PARD3: variants seen among roughly 807,000 people sequenced by gnomAD.
The protein encoded by PARD3 is par-3 family cell polarity regulator.
A neutral mutation model predicts 155.4 loss-of-function variants in PARD3; 75 were observed. That is an observed-to-expected ratio of 0.48 (90% CI 0.40 to 0.58). PARD3 has a LOEUF of 0.58. PARD3 is among the 20% of genes least tolerant of loss of function. The pLI, the probability that PARD3 is intolerant of heterozygous loss-of-function variation, is 0.00. For missense variants in PARD3, 1,642 were observed against 1,721.7 expected (o/e 0.95, Z 0.82); for synonymous variants, 576 against 610.5 (o/e 0.94, Z 0.83).
At position 34,651,061 on chromosome 10, in the gene PARD3, G is replaced by C. The variant is rs183563953; in HGVS notation, c.222+45257C>G. Among the ~76,000 whole-genome samples the C allele has an allele frequency of 6.3e-4, 88 of 140,750 alleles. 1 individual carries two copies. In the South Asian group the frequency reaches 0.015, roughly 25 times the overall value. 92.3% of individuals were successfully genotyped at this position (140,750 alleles called of 152,430 possible). Reference sequence around the variant, plus strand: ...AAAAAAAAAAAAAAGGCAGTACACTGGCTCACACTTTGGATGCACTTCACT... The same window carrying C: ...AAAAAAAAAAAAAAGGCAGTACACTCGCTCACACTTTGGATGCACTTCACT... On this transcript the variant is annotated intron_variant, in intron 2 of 24. Coordinates refer to ENST00000374788, the MANE Select transcript of PARD3 (RefSeq NM_001184785.2).
At chr10:34,269,412 T>C (rs1296697872) in intron 22 of PARD3, among the ~76,000 whole-genome samples, 1 of 152,204 alleles carries the variant, frequency 6.6e-6, no homozygotes, top group African/African-American at 2.4e-5. Context: ...GGTTCTCAGG[T>C]ATAAAACCAT....
intron 2 of PARD3, among the ~76,000 whole-genome samples, chr10:34,539,452 T>C (rs918638883): frequency 1.2e-4 from 18 of 152,146 alleles, no homozygotes; most frequent in African/African-American, 4.3e-4. Context: ...GCAGATCACC[T>C]AAGGTCAGGA....
At chr10:34,661,560 A>G (rs2093326943) in intron 2 of PARD3, among the ~76,000 whole-genome samples, 1 of 152,234 alleles carries the variant, frequency 6.6e-6, no homozygotes, top group Non-Finnish European at 1.5e-5. Context: ...GGAGGTTAGA[A>G]AAAGCAAGTT....
chr10:34,578,509 T>C (rs2087099388), intron 2 of PARD3, among the ~76,000 whole-genome samples: 2 of 152,224 alleles, frequency 1.3e-5, no homozygotes, highest in Non-Finnish European at 2.9e-5. Context: ...GAGCAACTAA[T>C]ATTTATTGAG....
intron 22 of PARD3, among the ~76,000 whole-genome samples, chr10:34,142,929 A>G (rs1948269746): frequency 6.6e-6 from 1 of 152,218 alleles, no homozygotes; most frequent in Admixed American, 6.5e-5. Flanking sequence ...ACTAAAATAT[A>G]CATTTAGGTG....
chr10:34,417,589 T>C (rs759234831), intron 5 of PARD3, among the ~76,000 whole-genome samples: 17 of 152,154 alleles, frequency 1.1e-4, no homozygotes, highest in Admixed American at 3.9e-4. Flanking sequence ...ATAAAGAAAA[T>C]AATTTCGATT....
Position 34,131,452 on chromosome 10 carries a change from C to A in PARD3, c.3540+11G>T, listed in dbSNP as rs563274069. 448 of 1,613,804 alleles carry A rather than the reference C, an allele frequency of 2.8e-4. 4 individuals are homozygous for A. In the South Asian group the frequency reaches 4.7e-3, roughly 17 times the overall value. On this transcript the variant is annotated intron_variant, in intron 23 of 24. Transcript: ENST00000374788. ...AGGACCATTCACCGTGCTGAAGAAC[C>A]AATTACTTACCCAGGGTTGCTCAAA... is the stretch of plus-strand genomic sequence containing the variant.
chr10:34,281,814 TG>T (rs1441567971), intron 21 of PARD3, among the ~76,000 whole-genome samples: 1 of 152,124 alleles, frequency 6.6e-6, no homozygotes, highest in Non-Finnish European at 1.5e-5. Context: ...TCATAACTCA[TG>T]GGGGAATGTT....
chr10:34,572,981 C>T (rs1053577597), intron 2 of PARD3, among the ~76,000 whole-genome samples: 9 of 152,106 alleles, frequency 5.9e-5, no homozygotes, highest in Non-Finnish European at 1.2e-4. Context: ...GTCTACCTTA[C>T]ATATTTTCTA....
At chr10:34,443,091 G>A (rs564951447) in intron 5 of PARD3, among the ~76,000 whole-genome samples, 1 of 151,998 alleles carries the variant, frequency 6.6e-6, no homozygotes, top group Non-Finnish European at 1.5e-5. Context: ...GTGGACACAG[G>A]AACCACAGGT....
chr10:34,465,176 G>C (rs1291533244), intron 4 of PARD3, among the ~76,000 whole-genome samples: 1 of 152,056 alleles, frequency 6.6e-6, no homozygotes, highest in African/African-American at 2.4e-5. Context: ...TTTTTTTGTT[G>C]TTGTTCCAAA....
At chr10:34,319,553 T>C (rs1958249885) in intron 19 of PARD3, among the ~76,000 whole-genome samples, 1 of 152,224 alleles carries the variant, frequency 6.6e-6, no homozygotes, top group South Asian at 2.1e-4. Context: ...AAGAAGCCAG[T>C]TACAACTAGA....
chr10:34,622,219 A>G (rs2091722947), intron 2 of PARD3, among the ~76,000 whole-genome samples: 1 of 152,262 alleles, frequency 6.6e-6, no homozygotes, highest in Admixed American at 6.5e-5. Flanking sequence ...AAAACATTCC[A>G]GGAACATAAG....
At chr10:34,779,700 C>A (rs2134158853) in intron 1 of PARD3, among the ~76,000 whole-genome samples, 1 of 152,328 alleles carries the variant, frequency 6.6e-6, no homozygotes, top group Non-Finnish European at 1.5e-5. Context: ...GAATTCAGTC[C>A]TTCTGTGAAG....
intron 22 of PARD3, among the ~76,000 whole-genome samples, chr10:34,187,745 T>C (rs1018940638): frequency 6.6e-6 from 1 of 152,238 alleles, no homozygotes; most frequent in Non-Finnish European, 1.5e-5. Flanking sequence ...TCCAACTGAA[T>C]GGAGATCAGT....
intron 7 of PARD3, among the ~76,000 whole-genome samples, chr10:34,393,920 C>T (rs925205256): frequency 6.5e-4 from 99 of 151,158 alleles, no homozygotes; most frequent in African/African-American, 2.3e-3. Flanking sequence ...TCACTGCAAC[C>T]TCCACCTCCT....
chr10:34,676,373 C>T (rs921542129), intron 2 of PARD3, among the ~76,000 whole-genome samples: 14 of 152,126 alleles, frequency 9.2e-5, no homozygotes, highest in Admixed American at 4.6e-4. Context: ...AAAAGTCTGT[C>T]TTTCTTAGCA....
chr10:34,569,789 G>GA (rs1482783953), intron 2 of PARD3, among the ~76,000 whole-genome samples: 1 of 147,940 alleles, frequency 6.8e-6, no homozygotes, highest in Non-Finnish European at 1.5e-5. Context: ...ACTTATTTTT[G>GA]AAAAAATCTA....
intron 21 of PARD3, among the ~76,000 whole-genome samples, chr10:34,272,217 G>A (rs1166030884): frequency 6.6e-6 from 1 of 152,150 alleles, no homozygotes; most frequent in South Asian, 2.1e-4. Flanking sequence ...AAGAAAAAAT[G>A]TAAGGGATTC....
Sources: allele counts gnomAD v4.1 joint callset (sites outside exome capture counted in the v4.1 genomes callset), GRCh38; gene constraint gnomAD v4.1.1; transcripts MANE v1.5; gene names NCBI Gene and HGNC (gene_info 2026-07-23, HGNC 2026-07-21).